Variants in NEK5 observed in about 807,000 individuals in gnomAD.
The protein encoded by NEK5 is NIMA related kinase 5.
A neutral mutation model predicts 109.2 loss-of-function variants in NEK5; 88 were observed. That is an observed-to-expected ratio of 0.81 (90% confidence interval 0.68 to 0.96). NEK5 has a LOEUF of 0.96. Among genes scored for constraint, NEK5 ranks in the 40% least tolerant of loss-of-function variants. NEK5 has a pLI of 0.00. For synonymous variants in NEK5, 283 were observed against 299.9 expected, an observed-to-expected ratio of 0.94 and a Z score of 0.58; for missense variants, 834 against 920.7, an observed-to-expected ratio of 0.91 and a Z score of 1.22.
chr13:52,110,306 G>A (rs755977259), intron 7 of NEK5, 34 bp downstream of exon 7: 4 of 1,398,100 alleles, frequency 2.9e-6, no homozygotes, highest in East Asian at 2.3e-5. Flanking sequence ...GGGCTATTTT[G>A]ACTAGAAAGA....
chr13:52,083,371 A>G lies in NEK5; in HGVS notation c.1480-19T>C, dbSNP rs773179422. ...AGTTCTCCTTTAACACAAATTATAC[A>G]CAGTCAACAAGATTGGTTCTGAGTG... On this transcript the variant is annotated intron_variant, in intron 16 of 23. Coordinates refer to ENST00000684899, the MANE Select transcript of NEK5 (RefSeq NM_001365552.1). 1 of 1,483,292 alleles carries G rather than the reference A, an allele frequency of 6.7e-7. No homozygotes were observed. The highest frequency in any genetic ancestry group is 9.4e-7 in the Non-Finnish European group (1 of 1,061,518). 91.9% of individuals were successfully genotyped at this position (1,483,292 alleles called of 1,614,324 possible).
intron 3 of NEK5, among the ~76,000 whole-genome samples, chr13:52,121,137 G>C (rs143234487): frequency 2.1e-4 from 32 of 150,384 alleles, no homozygotes; most frequent in African/African-American, 7.8e-4. Flanking sequence ...TTTGTGGGGG[G>C]TCTGTATCCT....
chr13:52,079,693 C>T (rs1392878559), intron 17 of NEK5, among the ~76,000 whole-genome samples: 10 of 152,372 alleles, frequency 6.6e-5, no homozygotes, highest in East Asian at 1.9e-4. Context: ...CCCAAAGTGC[C>T]GAGATTGCAG....
intron 20 of NEK5, among the ~76,000 whole-genome samples, chr13:52,066,320 C>T (rs1197338901): frequency 6.6e-6 from 1 of 151,912 alleles, no homozygotes; most frequent in East Asian, 1.9e-4. Flanking sequence ...TATATAATGA[C>T]CTCATTTGTA....
chr13:52,094,402 G>A (rs1267711642), intron 12 of NEK5, among the ~76,000 whole-genome samples: 1 of 152,176 alleles, frequency 6.6e-6, no homozygotes, highest in Non-Finnish European at 1.5e-5. Flanking sequence ...AAACCAAAAT[G>A]TCCTCATGTA....
intron 3 of NEK5, among the ~76,000 whole-genome samples, chr13:52,124,799 A>G (rs926271014): frequency 2.0e-5 from 3 of 152,156 alleles, no homozygotes; most frequent in Non-Finnish European, 4.4e-5. Flanking sequence ...TATGTAGTCA[A>G]ACCTAGGCAA....
At chr13:52,109,255 G>A (rs981036557) in intron 7 of NEK5, among the ~76,000 whole-genome samples, 3 of 152,124 alleles carry the variant, frequency 2.0e-5, no homozygotes, top group African/African-American at 7.2e-5. Flanking sequence ...GCCATGATGG[G>A]AAGCAGGGTC....
intron 19 of NEK5, among the ~76,000 whole-genome samples, chr13:52,072,282 G>A (rs1356325963): frequency 1.3e-5 from 2 of 152,242 alleles, no homozygotes; most frequent in Non-Finnish European, 2.9e-5. Flanking sequence ...TGTTAACAGT[G>A]TCAAGCACTG....
intron 21 of NEK5, among the ~76,000 whole-genome samples, chr13:52,063,614 A>G (rs1656851071): frequency 7.1e-6 from 1 of 140,542 alleles, no homozygotes; most frequent in South Asian, 2.3e-4. Flanking sequence ...CCGCCATCCC[A>G]TCTAGGAAGT....
chr13:52,075,214 A>C (rs1488565485), intron 19 of NEK5, among the ~76,000 whole-genome samples: 1 of 152,230 alleles, frequency 6.6e-6, no homozygotes. Flanking sequence ...AAGTCATGGA[A>C]TCAACCTAGG....
At chr13:52,049,147 G>C (rs1954481591) in intron 23 of NEK5, among the ~76,000 whole-genome samples, 7 of 152,100 alleles carry the variant, frequency 4.6e-5, no homozygotes, top group Admixed American at 1.3e-4. Flanking sequence ...TTTAGGACAA[G>C]TGCAGTGGCT....
Position 52,108,314 on chromosome 13 carries a change from T to A in NEK5, c.554+4A>T, listed in dbSNP as rs977911478. 1 of 1,583,984 alleles carries A rather than the reference T, an allele frequency of 6.3e-7. No homozygotes were observed. The highest frequency in any genetic ancestry group is 1.7e-5 in the Admixed American group (1 of 59,180). ...CACTTTCAAACTAAGAGTCAGCAAC[T>A]TACGTTTTATTGTTGTAGGGTTTAT... On this transcript the variant is annotated splice_donor_region_variant and intron_variant, in intron 8 of 23. Coordinates refer to ENST00000684899, the MANE Select transcript of NEK5 (RefSeq NM_001365552.1).
chr13:52,090,156 C>T (rs188879911), intron 13 of NEK5, among the ~76,000 whole-genome samples: 3 of 152,134 alleles, frequency 2.0e-5, no homozygotes, highest in Admixed American at 1.3e-4. Flanking sequence ...TTTTCCAGCA[C>T]AATTTTAGTC....
chr13:52,101,675 T>C (rs112071411), intron 11 of NEK5, among the ~76,000 whole-genome samples: 1 of 152,174 alleles, frequency 6.6e-6, no homozygotes, highest in African/African-American at 2.4e-5. Context: ...TTCAAGCATC[T>C]CTATTAGCAT....
At chr13:52,056,221 G>C (rs1475321749) in intron 22 of NEK5, among the ~76,000 whole-genome samples, 6 of 151,000 alleles carry the variant, frequency 4.0e-5, no homozygotes, top group Admixed American at 1.3e-4. Context: ...TAATGGTAAA[G>C]GGATCAATTC....
chr13:52,105,311 G>T (rs2138030797), intron 8 of NEK5, among the ~76,000 whole-genome samples: 1 of 151,886 alleles, frequency 6.6e-6, no homozygotes, highest in Admixed American at 6.6e-5. Flanking sequence ...CATACTAAAA[G>T]TTTGAGTACA....
At chr13:52,060,415 C>T (rs896432413) in intron 22 of NEK5, among the ~76,000 whole-genome samples, 3 of 151,958 alleles carry the variant, frequency 2.0e-5, no homozygotes. Flanking sequence ...AGTGCAATGG[C>T]GCCATCTCGG....
chr13:52,078,414 G>T lies in NEK5; in HGVS notation c.1573-2271C>A, dbSNP rs551675242. On this transcript the variant is annotated intron_variant, in intron 17 of 23. Transcript: ENST00000684899. The stretch of plus-strand genomic sequence containing the variant: ...TGCATGGGGATGAGATGGGAGGAGA[G>T]GTAGGGAGAATAAGAGAGAGGAGTT... Among the ~76,000 whole-genome samples the T allele has an allele frequency of 2.0e-5, 3 of 152,278 alleles. No homozygotes were observed. The South Asian group carries it at 6.2e-4, about 32-fold the overall frequency.
At chr13:52,057,980 A>G (rs549694771) in intron 22 of NEK5, among the ~76,000 whole-genome samples, 5,496 of 152,104 alleles carry the variant, frequency 0.036, 134 homozygotes, top group South Asian at 0.09. Flanking sequence ...GCAAATAAAG[A>G]GTATTCAATT....
Sources: allele counts gnomAD v4.1 joint callset (sites outside exome capture counted in the v4.1 genomes callset), GRCh38; gene constraint gnomAD v4.1.1; transcripts MANE v1.5; gene names NCBI Gene and HGNC (gene_info 2026-07-23, HGNC 2026-07-21).